The following PRKG1 variants were observed in gnomAD, a reference collection of about 807,000 sequenced individuals.
PRKG1 encodes protein kinase cGMP-dependent 1, also known as cGMP-dependent protein kinase 1.
In PRKG1, 35 loss-of-function variants were observed where a neutral mutation model predicts 88.1. The ratio of observed to expected loss-of-function variants is 0.40; its 90% CI spans 0.30 to 0.53. The LOEUF is 0.53. PRKG1 is among the 20% of genes least tolerant of loss of function. The pLI is 0.59. For missense variants in PRKG1, 540 were observed against 839.8 expected (o/e 0.64, Z 4.41); for synonymous variants, 303 against 292.5 (o/e 1.04, Z -0.37).
At chr10:51,066,671 G>A (rs1273762395) in intron 1 of PRKG1, among the ~76,000 whole-genome samples, 1 of 151,762 alleles carries the variant, frequency 6.6e-6, no homozygotes, top group Non-Finnish European at 1.5e-5. Context: ...TTATTTACAT[G>A]GTATATACAG....
At chr10:51,258,970 C>A (rs558512386) in intron 2 of PRKG1, among the ~76,000 whole-genome samples, 1 of 152,216 alleles carries the variant, frequency 6.6e-6, no homozygotes, top group East Asian at 1.9e-4. Flanking sequence ...TTTGAATATT[C>A]CTTCTTGTTT....
At chr10:51,544,276 A>G (rs895745545) in intron 3 of PRKG1, among the ~76,000 whole-genome samples, 4 of 140,116 alleles carry the variant, frequency 2.9e-5, no homozygotes, top group African/African-American at 5.3e-5. Context: ...GCATTGATCA[A>G]TTCACACCTA....
chr10:51,671,729 T>G (rs113848832), intron 3 of PRKG1, among the ~76,000 whole-genome samples: 2,745 of 151,940 alleles, frequency 0.018, 27 homozygotes, highest in Non-Finnish European at 0.028. Flanking sequence ...TGGGATTACA[T>G]GCACCTGCCA....
intron 6 of PRKG1, among the ~76,000 whole-genome samples, chr10:52,057,523 G>T (rs1480383093): frequency 6.6e-6 from 1 of 152,150 alleles, no homozygotes; most frequent in African/African-American, 2.4e-5. Context: ...ATCATAAAAT[G>T]AACTATCTCT....
intron 4 of PRKG1, among the ~76,000 whole-genome samples, chr10:51,899,370 A>C (rs2132928535): frequency 6.6e-6 from 1 of 152,182 alleles, no homozygotes; most frequent in South Asian, 2.1e-4. Context: ...CCAAATCAAA[A>C]AAAAATAAAA....
Position 52,171,126 on chromosome 10 carries a change from T to G in PRKG1, c.1076+9163T>G, listed in dbSNP as rs982238365. 8.4e-4 allele frequency among the ~76,000 whole-genome samples: 8 copies of G among 9,488 alleles called. No homozygotes were observed. In the African/African-American group the frequency reaches 9.7e-3, roughly 12 times the overall value. 6.2% of individuals were successfully genotyped at this position (9,488 alleles called of 152,430 possible). On this transcript the variant is annotated intron_variant, in intron 9 of 17. Transcript: ENST00000373980. The stretch of plus-strand genomic sequence containing the variant: ...AATTTGGGGCTATCTTATTGGTGTG[T>G]TTTTTTTTTTTTTGGTTTTGTTTTT...
At chr10:51,925,198 G>GT (rs796847111) in intron 5 of PRKG1, among the ~76,000 whole-genome samples, 3,601 of 40,278 alleles carry the variant, frequency 0.089, 152 homozygotes, top group African/African-American at 0.25. Context: ...TTAGTGGGAG[G>GT]TTTTTTTTTT....
At chr10:51,333,648 A>AT (rs1841795930) in intron 2 of PRKG1, among the ~76,000 whole-genome samples, 1 of 152,110 alleles carries the variant, frequency 6.6e-6, no homozygotes, top group Non-Finnish European at 1.5e-5. Context: ...TATTTCAAAT[A>AT]TTTTTTCTGG....
intron 7 of PRKG1, among the ~76,000 whole-genome samples, chr10:52,098,954 G>A (rs923905292): frequency 6.6e-6 from 1 of 152,158 alleles, no homozygotes; most frequent in Non-Finnish European, 1.5e-5. Context: ...TGAGCAGAAG[G>A]TAAAGGAAGC....
intron 2 of PRKG1, among the ~76,000 whole-genome samples, chr10:51,441,242 T>C (rs1347103245): frequency 6.6e-6 from 1 of 151,956 alleles, no homozygotes; most frequent in Non-Finnish European, 1.5e-5. Flanking sequence ...CCATCTCAAT[T>C]TTATGTTTAG....
intron 5 of PRKG1, among the ~76,000 whole-genome samples, chr10:51,958,245 C>G (rs1455231650): frequency 6.6e-6 from 1 of 152,082 alleles, no homozygotes; most frequent in Non-Finnish European, 1.5e-5. Flanking sequence ...ACTCAGGCCT[C>G]CTGGGCCATT....
intron 3 of PRKG1, among the ~76,000 whole-genome samples, chr10:51,625,182 A>T (rs964064082): frequency 6.6e-6 from 1 of 152,196 alleles, no homozygotes; most frequent in African/African-American, 2.4e-5. Context: ...GTGTACAATT[A>T]TAAATAAAAA....
chr10:52,282,389 T>C lies in PRKG1; in HGVS notation c.1709+73T>C, dbSNP rs1023316844. ...GCTACACACTCCTGCTTTTGTCACT[T>C]GGATTAGACCATCTTAAAGTACTTT... is the stretch of plus-strand genomic sequence containing the variant. On this transcript the variant is annotated intron_variant, in intron 14 of 17. Transcript: ENST00000373980. 2.2e-6 allele frequency: 3 copies of C among 1,380,258 alleles called. No individual in the cohort carries two copies. In the African/African-American group the frequency reaches 4.3e-5, roughly 20 times the overall value. The allele number at this position is 1,380,258 out of a possible 1,614,324, so 85.5% of individuals were successfully genotyped here.
intron 2 of PRKG1, among the ~76,000 whole-genome samples, chr10:51,222,122 G>GCCCCCCCCCCCCCCCCCC (rs747668688): frequency 5.2e-5 from 6 of 114,414 alleles, no homozygotes; most frequent in East Asian, 2.2e-4. Flanking sequence ...CGTGATCCGC[G>GCCCCCCCCCCCCCCCCCC]CCCCCCCCCG....
intron 3 of PRKG1, among the ~76,000 whole-genome samples, chr10:51,570,300 T>G (rs1837718865): frequency 6.6e-6 from 1 of 151,750 alleles, no homozygotes; most frequent in African/African-American, 2.4e-5. Flanking sequence ...ACAGGAAAAT[T>G]CAATGAACAC....
chr10:52,293,115 T>C (rs532676277), intron 17 of PRKG1, among the ~76,000 whole-genome samples: 8 of 148,912 alleles, frequency 5.4e-5, no homozygotes, highest in East Asian at 2.0e-4. Flanking sequence ...TATACACCAA[T>C]AACAGACAAA....
chr10:51,175,154 G>T (rs1415918548), intron 2 of PRKG1, among the ~76,000 whole-genome samples: 2 of 146,752 alleles, frequency 1.4e-5, no homozygotes, highest in Admixed American at 7.0e-5. Context: ...CAACGTAATA[G>T]CTAAATTACT....
chr10:52,019,046 C>A (rs1324103480), intron 5 of PRKG1, among the ~76,000 whole-genome samples: 1 of 152,100 alleles, frequency 6.6e-6, no homozygotes, highest in Non-Finnish European at 1.5e-5. Flanking sequence ...CTGGTGAGGG[C>A]CTCATCCTGC....
rs141927257 is a variant in PRKG1 at position 52,145,440 on chromosome 10, G to C, written c.1001+11535G>C. On this transcript the variant is annotated intron_variant, in intron 8 of 17. Transcript: ENST00000373980. ...ATAAATATCCATCTTAATTTCTTCA[G>C]TTAAAAAGATAATATTTGAAATTTT... is the stretch of plus-strand genomic sequence containing the variant. 8.5e-5 allele frequency among the ~76,000 whole-genome samples: 13 copies of C among 152,218 alleles called. No individual in the cohort carries two copies. The East Asian group carries it at 2.5e-3, about 29-fold the overall frequency.
Sources: allele counts gnomAD v4.1 joint callset (sites outside exome capture counted in the v4.1 genomes callset), GRCh38; gene constraint gnomAD v4.1.1; transcripts MANE v1.5; gene names NCBI Gene and HGNC (gene_info 2026-07-23, HGNC 2026-07-21).